FMN2: variants seen among roughly 807,000 people sequenced by gnomAD.
FMN2 encodes the protein formin-2.
A neutral mutation model predicts 142.3 loss-of-function variants in FMN2; 51 were observed. That is an observed-to-expected ratio of 0.36 (90% confidence interval 0.29 to 0.45). The LOEUF is 0.45. Ranked by LOEUF, FMN2 falls within the 20% of genes least tolerant of loss-of-function variation. FMN2 has a pLI of 1.00. For missense variants in FMN2, 1,936 were observed against 2,122.8 expected (o/e 0.91, Z 1.73); for synonymous variants, 882 against 869.8 (o/e 1.01, Z -0.25).
At chr1:240,468,206 A>G (rs556180817) in intron 16 of FMN2, among the ~76,000 whole-genome samples, 74 of 147,968 alleles carry the variant, frequency 5.0e-4, no homozygotes, top group African/African-American at 7.5e-4. Context: ...ATATATATAT[A>G]TGTGTGTGTG....
chr1:240,349,974 T>C (rs945667164), intron 13 of FMN2, among the ~76,000 whole-genome samples: 1 of 151,798 alleles, frequency 6.6e-6, no homozygotes, highest in African/African-American at 2.4e-5. Context: ...TTTATTTACA[T>C]AGTCACATAC....
At chr1:240,270,801 G>T (rs889681719) in intron 7 of FMN2, among the ~76,000 whole-genome samples, 13 of 151,922 alleles carry the variant, frequency 8.6e-5, no homozygotes, top group African/African-American at 3.1e-4. Flanking sequence ...AAGTAATAGA[G>T]GTAGAAAGTA....
intron 3 of FMN2, among the ~76,000 whole-genome samples, chr1:240,180,393 G>A (rs1039767478): frequency 2.6e-5 from 4 of 152,032 alleles, no homozygotes; most frequent in Admixed American, 6.6e-5. Context: ...AGTTGTAAGA[G>A]TGGGCATGTC....
intron 4 of FMN2, among the ~76,000 whole-genome samples, chr1:240,193,322 A>C (rs1162171110): frequency 6.6e-6 from 1 of 152,194 alleles, no homozygotes; most frequent in Non-Finnish European, 1.5e-5. Flanking sequence ...ATTATAAGAC[A>C]AAATCTTGGG....
intron 1 of FMN2, among the ~76,000 whole-genome samples, chr1:240,109,797 C>A (rs1480161911): frequency 1.3e-5 from 2 of 152,156 alleles, no homozygotes; most frequent in Non-Finnish European, 2.9e-5. Flanking sequence ...CAGTTAGCAA[C>A]CAGCCTGTAC....
chr1:240,121,706 G>A (rs1662260177), intron 1 of FMN2, among the ~76,000 whole-genome samples: 1 of 109,594 alleles, frequency 9.1e-6, no homozygotes, highest in African/African-American at 3.6e-5. Context: ...TTCTTATTAT[G>A]CCTCTCTTGC....
rs572561985 is a variant in FMN2 at position 240,154,596 on chromosome 1, C to T, written c.1783-23325C>T. ...GCATCTTCATAGGCACATCCGCAAT[C>T]CCAATTCCATCTCAGAATCATTAGA... On this transcript the variant is annotated intron_variant, in intron 2 of 17. Coordinates refer to ENST00000319653, the MANE Select transcript of FMN2 (RefSeq NM_020066.5). 4 of 152,204 alleles carry T rather than the reference C, an allele frequency of 2.6e-5. No individual in the cohort carries two copies. In the South Asian group the frequency reaches 8.3e-4, roughly 32 times the overall value. The allele number at this position is 152,204 out of a possible 1,614,324, so 9.4% of individuals were successfully genotyped here. A position where few individuals can be genotyped will look rare whatever the true frequency, so the allele number is the denominator to read the frequency against.
intron 15 of FMN2, among the ~76,000 whole-genome samples, chr1:240,406,591 T>C (rs1345402410): frequency 6.6e-6 from 1 of 152,194 alleles, no homozygotes; most frequent in Non-Finnish European, 1.5e-5. Flanking sequence ...AATGGAACGG[T>C]GCGTGGCTAG....
intron 6 of FMN2, among the ~76,000 whole-genome samples, chr1:240,238,963 G>A (rs1667799361): frequency 7.3e-6 from 1 of 136,126 alleles, no homozygotes. Context: ...GGAGACTTTT[G>A]TGTGGGGGAG....
In FMN2 at chr1:240,328,147, C is replaced by CAAAAAAAAAAAAAA. The variant is rs780595882; in HGVS notation, c.4216-917_4216-904dup. Among the ~76,000 whole-genome samples the CAAAAAAAAAAAAAA allele has an allele frequency of 7.0e-4, 36 of 51,426 alleles. 1 individual carries two copies. The highest frequency in any genetic ancestry group is 1.7e-3 in the African/African-American group (23 of 13,328). The allele number at this position is 51,426 out of a possible 152,430, so 33.7% of individuals were successfully genotyped here. A position where few individuals can be genotyped will look rare whatever the true frequency, so the allele number is the denominator to read the frequency against. On this transcript the variant is annotated intron_variant, in intron 8 of 17. Transcript: ENST00000319653. ...TGGGTGACGGAGCAAGACCCCATCT[C>CAAAAAAAAAAAAAA]AAAAAAAAAAAAAAAAAAAAAAAAA...
intron 2 of FMN2, among the ~76,000 whole-genome samples, chr1:240,158,648 C>T (rs1050267775): frequency 2.6e-5 from 4 of 152,130 alleles, no homozygotes; most frequent in Admixed American, 6.5e-5. Flanking sequence ...CTCTCCCAAG[C>T]TACTACTTAG....
rs764756141 is a variant in FMN2 at position 240,092,368 on chromosome 1, G to C, written c.259G>C (p.Gly87Arg). The C allele has an allele frequency of 1.2e-6, 2 of 1,609,546 alleles. No homozygotes were observed. The highest frequency in any genetic ancestry group is 3.3e-5 in the Admixed American group (2 of 59,862). ...NLRIRKNLSKGKGAGGSREDV... is the reference protein window; with the variant it reads ...NLRIRKNLSKRKGAGGSREDV... ...GCGGATCAGGAAGAATCTGTCCAAG[G>C]GGAAAGGCGCCGGCGGCTCCCGCGA... The change falls in exon 1 of 18, where the codon GGG becomes CGG. Residue 87 changes from glycine to arginine, a missense_variant. Gly to Arg is a moderately radical substitution (Grantham distance 125). This residue lies in a region of FMN2 where 751 missense variants were observed against 791.8 expected (regional missense o/e 0.95). Transcript: ENST00000319653.
At position 240,464,001 on chromosome 1, in the gene FMN2, GA is replaced by G. The variant is rs1037965808; in HGVS notation, c.5061-8360del. Among the ~76,000 whole-genome samples the G allele has an allele frequency of 1.4e-3, 200 of 147,250 alleles. 1 individual carries two copies. Among genetic ancestry groups the G allele is most frequent in the East Asian group, 4.3e-3 (22 of 5,076 alleles). ...CTGGGTGACAGAGGGATACTCCATTGAAAAAAAAAAATTAAAAATTAGGGAT... is the reference window on the plus strand; with the variant it reads ...CTGGGTGACAGAGGGATACTCCATTGAAAAAAAAAATTAAAAATTAGGGAT... On this transcript the variant is annotated intron_variant, in intron 16 of 17. Transcript: ENST00000319653.
intron 8 of FMN2, among the ~76,000 whole-genome samples, chr1:240,296,520 G>T (rs1347170949): frequency 6.8e-6 from 1 of 147,070 alleles, no homozygotes; most frequent in Non-Finnish European, 1.5e-5. Context: ...GCTCTTTGGG[G>T]CATGGCCTTA....
intron 4 of FMN2, among the ~76,000 whole-genome samples, chr1:240,197,056 G>A (rs1283642415): frequency 1.3e-5 from 2 of 152,082 alleles, no homozygotes; most frequent in African/African-American, 4.8e-5. Context: ...TTCAGGATGG[G>A]GCTGGTCCAC....
intron 13 of FMN2, among the ~76,000 whole-genome samples, chr1:240,352,090 C>T (rs1017389021): frequency 1.2e-4 from 18 of 151,634 alleles, no homozygotes; most frequent in African/African-American, 4.3e-4. Flanking sequence ...ATTTTTTTTT[C>T]CCTGCTAGCC....
intron 15 of FMN2, among the ~76,000 whole-genome samples, chr1:240,413,781 A>G (rs1330940278): frequency 6.6e-6 from 1 of 152,190 alleles, no homozygotes; most frequent in Non-Finnish European, 1.5e-5. Context: ...TCTTTATGTT[A>G]TAAACTGCAT....
Position 240,093,763 on chromosome 1 carries a change from G to T in FMN2, c.1615+39G>T, listed in dbSNP as rs200072374. ...GCTGCTGGCCTCCGGGTCTCAAGTC[G>T]CCTGTCAGTCAGGGCCTTCCCCTGC... is the stretch of plus-strand genomic sequence containing the variant. On this transcript the variant is annotated intron_variant, in intron 1 of 17. Coordinates refer to ENST00000319653, the MANE Select transcript of FMN2 (RefSeq NM_020066.5). 7.6e-5 allele frequency: 97 copies of T among 1,281,324 alleles called. No homozygotes were observed. In the East Asian group the frequency reaches 3.0e-3, roughly 40 times the overall value. The allele number at this position is 1,281,324 out of a possible 1,614,324, so 79.4% of individuals were successfully genotyped here. A position where few individuals can be genotyped will look rare whatever the true frequency, so the allele number is the denominator to read the frequency against.
intron 15 of FMN2, among the ~76,000 whole-genome samples, chr1:240,402,348 A>G (rs886971802): frequency 6.6e-6 from 1 of 152,238 alleles, no homozygotes; most frequent in Non-Finnish European, 1.5e-5. Context: ...TTTGCTATTA[A>G]TCTAGAAAGT....
Sources: allele counts gnomAD v4.1 joint callset (sites outside exome capture counted in the v4.1 genomes callset), GRCh38; gene constraint gnomAD v4.1.1; regional missense constraint gnomAD v4.1.1; transcripts MANE v1.5; gene names NCBI Gene and HGNC (gene_info 2026-07-23, HGNC 2026-07-21).